PGR: variants seen among roughly 807,000 people sequenced by gnomAD.
PGR encodes nuclear receptor subfamily 3 group C member 3.
A neutral mutation model predicts 76.1 loss-of-function variants in PGR; 25 were observed. That is an observed-to-expected ratio of 0.33 (90% CI 0.24 to 0.46). The LOEUF (loss-of-function observed/expected upper bound fraction) is 0.46, where lower values mean the gene tolerates loss of function less well. Ranked by LOEUF, PGR falls within the 20% of genes least tolerant of loss-of-function variation. The pLI, the probability that PGR is intolerant of heterozygous loss-of-function variation, is 1.00. For synonymous variants in PGR, 579 were observed against 535.0 expected (o/e 1.08, Z -1.14); for missense variants, 1,172 against 1,225.3 (o/e 0.96, Z 0.65).
chr11:101,100,641 T>C (rs995175787), intron 2 of PGR, among the ~76,000 whole-genome samples: 2 of 148,902 alleles, frequency 1.3e-5, no homozygotes, highest in African/African-American at 5.0e-5. Flanking sequence ...ACACAATACA[T>C]ACAGATAAAA....
chr11:101,122,139 C>A (rs1410202862), intron 2 of PGR, among the ~76,000 whole-genome samples: 4 of 102,524 alleles, frequency 3.9e-5, no homozygotes, highest in Admixed American at 1.3e-4. Flanking sequence ...TGGGCAACAG[C>A]GAGACTCCGT....
At chr11:101,074,577 T>C (rs560574506) in intron 3 of PGR, among the ~76,000 whole-genome samples, 12 of 152,150 alleles carry the variant, frequency 7.9e-5, no homozygotes, top group African/African-American at 2.9e-4. Context: ...TTTAGAAAAC[T>C]CCATCATCTC....
At chr11:101,052,127 C>G (rs1365048437) in intron 4 of PGR, among the ~76,000 whole-genome samples, 1 of 152,084 alleles carries the variant, frequency 6.6e-6, no homozygotes, top group Non-Finnish European at 1.5e-5. Flanking sequence ...AAAACCACTG[C>G]TTTCAGTTGT....
rs11571240 is a variant in PGR at position 101,050,118 on chromosome 11, C to A, written c.2358-59G>T. Reference sequence around the variant, plus strand: ...AACAGGAAAAAAAATAGTGTCTCAGCCAGTTTAGGTAATTTATCAGGGAAT... The same window carrying A: ...AACAGGAAAAAAAATAGTGTCTCAGACAGTTTAGGTAATTTATCAGGGAAT... On this transcript the variant is annotated intron_variant, in intron 5 of 7. Coordinates refer to ENST00000325455, the MANE Select transcript of PGR (RefSeq NM_000926.4). 8.4e-3 allele frequency: 13,056 copies of A among 1,562,908 alleles called. 193 individuals carry two copies. Among genetic ancestry groups the A allele is most frequent in the African/African-American group, 0.057 (4,235 of 73,974 alleles).
At chr11:101,053,630 T>C (rs116847631) in intron 4 of PGR, among the ~76,000 whole-genome samples, 2,609 of 95,934 alleles carry the variant, frequency 0.027, 65 homozygotes, top group Middle Eastern at 0.047. Flanking sequence ...CTCCCCTTCT[T>C]CCTCCTTTCT....
chr11:101,064,390 C>G (rs1317579229), intron 3 of PGR, among the ~76,000 whole-genome samples: 1 of 109,788 alleles, frequency 9.1e-6, no homozygotes, highest in Non-Finnish European at 1.8e-5. Flanking sequence ...ACGAGTTGAG[C>G]TAAAACTTGT....
At chr11:101,112,660 C>T (rs1862379874) in intron 2 of PGR, among the ~76,000 whole-genome samples, 1 of 152,148 alleles carries the variant, frequency 6.6e-6, no homozygotes, top group Admixed American at 6.5e-5. Context: ...AGGGGACTGT[C>T]TGCAGGGCAG....
At chr11:101,050,783 T>C (rs1467134751) in intron 5 of PGR, among the ~76,000 whole-genome samples, 1 of 152,120 alleles carries the variant, frequency 6.6e-6, no homozygotes, top group African/African-American at 2.4e-5. Flanking sequence ...GAGACTCAGT[T>C]TTCTAAACTG....
chr11:101,118,526 G>T (rs1365711989), intron 2 of PGR, among the ~76,000 whole-genome samples: 1 of 151,972 alleles, frequency 6.6e-6, no homozygotes, highest in Non-Finnish European at 1.5e-5. Context: ...TATGCTTTAA[G>T]AAAAAAGTTA....
Position 101,038,945 on chromosome 11 carries a change from T to C in PGR, c.*171A>G, listed in dbSNP as rs989651527. ...ACAGTTAAACATTCTAATTATACTT[T>C]ATAAAAGAAAATAATTAGAACCTCA... is the stretch of plus-strand genomic sequence containing the variant. On this transcript the variant is annotated 3_prime_UTR_variant, in exon 8 of 8. Transcript: ENST00000325455. The C allele has an allele frequency of 1.3e-5, 7 of 551,724 alleles. No homozygotes were observed. Among genetic ancestry groups the C allele is most frequent in the Non-Finnish European group, 2.2e-5 (7 of 313,016 alleles). 34.2% of individuals were successfully genotyped at this position (551,724 alleles called of 1,614,324 possible). A position where few individuals can be genotyped will look rare whatever the true frequency, so the allele number is the denominator to read the frequency against.
intron 4 of PGR, among the ~76,000 whole-genome samples, chr11:101,059,857 A>AAAAAAAG (rs1565337564): frequency 1.4e-4 from 19 of 138,804 alleles, no homozygotes; most frequent in South Asian, 2.2e-4. Context: ...AAAAAAAAAA[A>AAAAAAAG]AAAAGAAAAA....
At chr11:101,041,845 C>G in intron 7 of PGR, 100 bp downstream of exon 7, 1 of 1,054,378 alleles carries the variant, frequency 9.5e-7, no homozygotes, top group Non-Finnish European at 1.4e-6. Context: ...AAGTATTAAT[C>G]TGAGAAAATC....
At chr11:101,048,729 C>T (rs574479391) in intron 6 of PGR, among the ~76,000 whole-genome samples, 33 of 152,218 alleles carry the variant, frequency 2.2e-4, no homozygotes, top group African/African-American at 7.2e-5. Flanking sequence ...CTATACACTA[C>T]GATAGCCTTT....
intron 3 of PGR, among the ~76,000 whole-genome samples, chr11:101,082,915 T>C (rs1370781099): frequency 6.6e-6 from 1 of 152,144 alleles, no homozygotes. Context: ...CTGCAGAAAT[T>C]TGCATTAGTA....
At chr11:101,121,372 C>A (rs944849070) in intron 2 of PGR, among the ~76,000 whole-genome samples, 1 of 152,240 alleles carries the variant, frequency 6.6e-6, no homozygotes, top group East Asian at 1.9e-4. Flanking sequence ...AAATATAGAA[C>A]AAATAAATCA....
At chr11:101,105,274 T>A (rs990348903) in intron 2 of PGR, among the ~76,000 whole-genome samples, 4 of 152,116 alleles carry the variant, frequency 2.6e-5, no homozygotes, top group African/African-American at 9.7e-5. Flanking sequence ...TTTAACAGTA[T>A]CACAATGGCT....
chr11:101,128,417 C>T lies in PGR; in HGVS notation c.654G>A (p.Ala218=). The change falls in exon 1 of 8, where the codon GCG becomes GCA. Residue 218 remains alanine (A), a synonymous_variant. Coordinates refer to ENST00000325455, the MANE Select transcript of PGR (RefSeq NM_000926.4). Reference sequence around the variant, plus strand: ...AGCCATCCTCCTCCTCAACCTCCACCGCAGCGGCCTGCGGAGACGGCTTCA... The same window carrying T: ...AGCCATCCTCCTCCTCAACCTCCACTGCAGCGGCCTGCGGAGACGGCTTCA... ...APVKPSPQAA[A]VEVEEEDGSE... The T allele has an allele frequency of 6.2e-7, 1 of 1,610,846 alleles. No individual in the cohort carries two copies. The highest frequency in any genetic ancestry group is 8.5e-7 in the Non-Finnish European group (1 of 1,179,848).
chr11:101,114,357 T>C (rs781504033), intron 2 of PGR, among the ~76,000 whole-genome samples: 18 of 152,170 alleles, frequency 1.2e-4, no homozygotes, highest in Non-Finnish European at 2.1e-4. Flanking sequence ...TTGGTATAAA[T>C]TAATAAATAA....
chr11:101,072,607 G>C (rs935970410), intron 3 of PGR, among the ~76,000 whole-genome samples: 1 of 152,138 alleles, frequency 6.6e-6, no homozygotes, highest in African/African-American at 2.4e-5. Flanking sequence ...GACACAATAT[G>C]CTCAAAATAA....
Sources: gnomAD v4.1 joint callset for allele counts (sites outside exome capture counted in the v4.1 genomes callset) on GRCh38, gnomAD v4.1.1 for gene constraint, MANE v1.5 for transcripts, NCBI Gene and HGNC (gene_info 2026-07-23, HGNC 2026-07-21) for gene names.